Variants in TMEM163 observed in about 807,000 individuals in gnomAD.
TMEM163 encodes the protein transmembrane protein 163.
A neutral mutation model predicts 29.3 loss-of-function variants in TMEM163; 17 were observed. The observed-to-expected ratio is 0.58, with a 90% confidence interval of 0.40 to 0.87. TMEM163 has a LOEUF of 0.87. TMEM163 is among the 40% of genes least tolerant of loss of function. TMEM163 has a pLI of 0.00. For synonymous variants in TMEM163, 157 were observed against 160.6 expected (o/e 0.98, Z 0.17); for missense variants, 303 against 381.5 (o/e 0.79, Z 1.71).
intron 2 of TMEM163, among the ~76,000 whole-genome samples, chr2:134,622,303 C>G (rs940054229): frequency 1.3e-5 from 2 of 152,188 alleles, no homozygotes; most frequent in African/African-American, 4.8e-5. Flanking sequence ...AAAATCATAG[C>G]TCGAATAAAT....
intron 5 of TMEM163, among the ~76,000 whole-genome samples, chr2:134,500,548 C>T (rs1371796736): frequency 1.3e-5 from 2 of 152,040 alleles, no homozygotes; most frequent in South Asian, 2.1e-4. Context: ...ATGAGATGAC[C>T]ATAAATGGGT....
rs1435054452 is a variant in TMEM163 at position 134,713,501 on chromosome 2, C to T, written c.203-182G>A. On this transcript the variant is annotated intron_variant, in intron 1 of 7. Coordinates refer to ENST00000281924, the MANE Select transcript of TMEM163 (RefSeq NM_030923.5). ...ATGAAAATCAAGCTTTCTGGCACCCCTTGAAAAATCACAGGCTCTGACAAT... is the reference window on the plus strand; with the variant it reads ...ATGAAAATCAAGCTTTCTGGCACCCTTTGAAAAATCACAGGCTCTGACAAT... 101 of 862,960 alleles carry T rather than the reference C, an allele frequency of 1.2e-4. No homozygotes were observed. The East Asian group carries it at 2.6e-3, about 23-fold the overall frequency. 53.5% of individuals were successfully genotyped at this position (862,960 alleles called of 1,614,324 possible).
At chr2:134,536,558 C>G (rs559815734) in intron 4 of TMEM163, among the ~76,000 whole-genome samples, 1 of 152,312 alleles carries the variant, frequency 6.6e-6, no homozygotes, top group South Asian at 2.1e-4. Flanking sequence ...GATCCCAGCT[C>G]TATGGCTCTG....
intron 2 of TMEM163, among the ~76,000 whole-genome samples, chr2:134,708,367 C>T (rs935642744): frequency 6.6e-6 from 1 of 152,120 alleles, no homozygotes; most frequent in African/African-American, 2.4e-5. Flanking sequence ...TCATTTTATC[C>T]ATCTCTCAAC....
intron 5 of TMEM163, among the ~76,000 whole-genome samples, chr2:134,483,701 G>C (rs524963): frequency 0.62 from 94,243 of 152,036 alleles, 31,386 homozygotes; most frequent in East Asian, 0.96. Context: ...GCATTCAAGC[G>C]CCCATCTGTC....
At chr2:134,498,356 T>C (rs1261165678) in intron 5 of TMEM163, among the ~76,000 whole-genome samples, 1 of 108,148 alleles carries the variant, frequency 9.2e-6, no homozygotes, top group Non-Finnish European at 2.2e-5. Flanking sequence ...CATGTGGGCT[T>C]TTTTTTTTTT....
At chr2:134,637,823 G>A (rs986012747) in intron 2 of TMEM163, among the ~76,000 whole-genome samples, 10 of 152,172 alleles carry the variant, frequency 6.6e-5, no homozygotes, top group Non-Finnish European at 1.5e-4. Flanking sequence ...TATTAGAAGT[G>A]TTTTGGGTCT....
At chr2:134,497,002 C>G (rs1022900116) in intron 5 of TMEM163, among the ~76,000 whole-genome samples, 2 of 152,158 alleles carry the variant, frequency 1.3e-5, no homozygotes, top group Non-Finnish European at 2.9e-5. Context: ...TGCCCACAAC[C>G]ACCCTTCCTT....
chr2:134,466,636 T>C, intron 5 of TMEM163: 1 of 168,966 alleles, frequency 5.9e-6, no homozygotes, highest in African/African-American at 2.4e-5. Context: ...ACCACCAGCC[T>C]AACAATCCTT....
At chr2:134,467,420 T>C (rs1279859435) in intron 5 of TMEM163, 2 of 152,188 alleles carry the variant, frequency 1.3e-5, no homozygotes, top group Non-Finnish European at 2.9e-5. Context: ...CACATCACCA[T>C]TATTAAGTTG....
chr2:134,576,676 G>A (rs1366791268), intron 2 of TMEM163, among the ~76,000 whole-genome samples: 1 of 152,200 alleles, frequency 6.6e-6, no homozygotes, highest in Non-Finnish European at 1.5e-5. Flanking sequence ...TTAAGGGCCA[G>A]CAGGGGTCAT....
At chr2:134,506,890 C>T (rs886928580) in intron 4 of TMEM163, among the ~76,000 whole-genome samples, 11 of 152,200 alleles carry the variant, frequency 7.2e-5, no homozygotes, top group Non-Finnish European at 1.2e-4. Flanking sequence ...CTGGCCTGGC[C>T]AGTAACAAGG....
chr2:134,661,637 T>G (rs1683753243), intron 2 of TMEM163, among the ~76,000 whole-genome samples: 1 of 152,234 alleles, frequency 6.6e-6, no homozygotes, highest in African/African-American at 2.4e-5. Context: ...ATGATGATCT[T>G]GAGAGCAGCC....
chr2:134,515,142 T>C (rs1680031322), intron 4 of TMEM163, among the ~76,000 whole-genome samples: 1 of 152,212 alleles, frequency 6.6e-6, no homozygotes, highest in Non-Finnish European at 1.5e-5. Flanking sequence ...CCTGTCCGAA[T>C]GATAACAGAT....
Position 134,561,101 on chromosome 2 carries a change from C to T in TMEM163, c.323-9010G>A, listed in dbSNP as rs148171447. Among the ~76,000 whole-genome samples, 358 of 152,364 alleles carry T rather than the reference C, an allele frequency of 2.3e-3. 2 individuals are homozygous for T. The highest frequency in any genetic ancestry group is 6.8e-3 in the Middle Eastern group (2 of 294). ...TTTATGAGCATTTATGGGCCGTCTC[C>T]GCCGTCTCCGATGGCGTATACAGCC... On this transcript the variant is annotated intron_variant, in intron 2 of 7. Transcript: ENST00000281924.
At chr2:134,687,849 C>T (rs1279677711) in intron 2 of TMEM163, among the ~76,000 whole-genome samples, 1 of 152,156 alleles carries the variant, frequency 6.6e-6, no homozygotes, top group East Asian at 1.9e-4. Context: ...AATTCCCAAA[C>T]TTAAGGAGCT....
chr2:134,713,574 G>T, intron 1 of TMEM163: 1 of 606,486 alleles, frequency 1.6e-6, no homozygotes, highest in Non-Finnish European at 3.1e-6. Flanking sequence ...CTCTTTCGAA[G>T]AACTCCACAG....
chr2:134,583,937 T>C (rs1031610019), intron 2 of TMEM163, among the ~76,000 whole-genome samples: 4 of 152,178 alleles, frequency 2.6e-5, no homozygotes, highest in African/African-American at 9.7e-5. Flanking sequence ...TTTTTCTCCA[T>C]AGCATCCCTC....
intron 2 of TMEM163, among the ~76,000 whole-genome samples, chr2:134,677,040 C>T (rs991315325): frequency 2.6e-5 from 4 of 152,108 alleles, no homozygotes; most frequent in South Asian, 2.1e-4. Context: ...GCAGCCCACC[C>T]GAGAGAGAGA....
Sources: gnomAD v4.1 joint callset for allele counts (sites outside exome capture counted in the v4.1 genomes callset) on GRCh38, gnomAD v4.1.1 for gene constraint, MANE v1.5 for transcripts, NCBI Gene and HGNC (gene_info 2026-07-23, HGNC 2026-07-21) for gene names.